The following IQSEC3 variants were observed in gnomAD, a reference collection of about 807,000 sequenced individuals.
IQSEC3 encodes IQ motif and SEC7 domain-containing protein 3.
A neutral mutation model predicts 105.4 loss-of-function variants in IQSEC3; 50 were observed. The observed-to-expected ratio is 0.47, with a 90% CI of 0.38 to 0.60. IQSEC3 has a LOEUF of 0.60. Ranked by LOEUF, IQSEC3 falls within the 20% of genes least tolerant of loss-of-function variation. The pLI is 0.00. For missense variants in IQSEC3, 1,415 were observed against 1,630.0 expected (o/e 0.87, Z 2.27); for synonymous variants, 708 against 746.0 (o/e 0.95, Z 0.83).
In IQSEC3 at chr12:171,130, T is replaced by G; in HGVS notation, c.3083T>G (p.Leu1028Arg). 1.2e-6 allele frequency: 2 copies of G among 1,614,050 alleles called. No homozygotes were observed. The highest frequency in any genetic ancestry group is 1.7e-6 in the Non-Finnish European group (2 of 1,179,982). ...GSPTAKREAALRERPAESTVE... is the reference protein window; with the variant it reads ...GSPTAKREAARRERPAESTVE... ...TTCAAAGCCAAAAGGGAAGCCGCGC[T>G]CAGGGAGAGGCCGGCGGAGAGCACG... Residue 1028 changes from leucine to arginine, a missense_variant, in exon 13 of 14, where the codon CTC (leucine) becomes CGC (arginine). This residue lies in a region of IQSEC3 where 419 missense variants were observed against 436.2 expected (regional missense o/e 0.96). Transcript: ENST00000538872.
chr12:130,948 G>A (rs1359143792), intron 3 of IQSEC3, among the ~76,000 whole-genome samples: 2 of 146,816 alleles, frequency 1.4e-5, no homozygotes, highest in Non-Finnish European at 3.0e-5. Context: ...AGTCTTGGAT[G>A]GGAACAAACC....
In IQSEC3 at chr12:115,974, G is replaced by C. The variant is rs141584757; in HGVS notation, c.624-9659G>C. ...ACAGCAAGCTAAAGGGTTGTCCTTTGTTCTGAAATTATATTCTTCCTACTT... is the reference window on the plus strand; with the variant it reads ...ACAGCAAGCTAAAGGGTTGTCCTTTCTTCTGAAATTATATTCTTCCTACTT... On this transcript the variant is annotated intron_variant, in intron 2 of 13. Transcript: ENST00000538872. Among the ~76,000 whole-genome samples, 472 of 152,282 alleles carry C rather than the reference G, an allele frequency of 3.1e-3. 1 individual carries two copies. Among genetic ancestry groups the C allele is most frequent in the African/African-American group, 0.011 (454 of 41,560 alleles).
chr12:95,434 G>T (rs1182387968), intron 1 of IQSEC3, among the ~76,000 whole-genome samples: 2 of 152,100 alleles, frequency 1.3e-5, no homozygotes, highest in African/African-American at 4.8e-5. Flanking sequence ...ATTTGTGTTG[G>T]TTTCTGACAT....
At position 125,767 on chromosome 12, in the gene IQSEC3, CG is replaced by C; in HGVS notation, c.763del (p.Ala255GlnfsTer43). On this transcript the variant is annotated frameshift_variant, in exon 3 of 14. Coordinates refer to ENST00000538872, the MANE Select transcript of IQSEC3 (RefSeq NM_001170738.2). LOFTEE classifies it high-confidence loss of function. The part of the protein sequence containing the change: ...AQELQEEEER[P>X]GAGAASPRAG... ...GAGCTGCAGGAGGAGGAGGAGCGGCCGGGGGCAGGGGCTGCCTCCCCAAGGG... is the reference window on the plus strand; with the variant it reads ...GAGCTGCAGGAGGAGGAGGAGCGGCCGGGGCAGGGGCTGCCTCCCCAAGGG... The C allele has an allele frequency of 1.3e-6, 2 of 1,512,690 alleles. No individual in the cohort carries two copies. Among genetic ancestry groups the C allele is most frequent in the South Asian group, 1.2e-5 (1 of 80,054 alleles). 93.7% of individuals were successfully genotyped at this position (1,512,690 alleles called of 1,614,324 possible).
intron 9 of IQSEC3, among the ~76,000 whole-genome samples, chr12:165,058 G>C (rs782331600): frequency 1.3e-5 from 2 of 152,226 alleles, no homozygotes; most frequent in Admixed American, 6.5e-5. Flanking sequence ...AAAGCTGCCG[G>C]GAGAGCTGTG....
At chr12:102,177 G>A (rs557030929) in intron 2 of IQSEC3, among the ~76,000 whole-genome samples, 1 of 148,696 alleles carries the variant, frequency 6.7e-6, no homozygotes, top group Non-Finnish European at 1.5e-5. Context: ...CGTCAGTCTG[G>A]CTCCTCCCCC....
At chr12:88,599 T>C (rs1863989116) in intron 1 of IQSEC3, among the ~76,000 whole-genome samples, 2 of 152,192 alleles carry the variant, frequency 1.3e-5, no homozygotes, top group African/African-American at 4.8e-5. Context: ...TGAACCTGGT[T>C]GGCCAACCTG....
At chr12:69,998 G>A (rs1210214636) in intron 1 of IQSEC3, among the ~76,000 whole-genome samples, 5 of 152,372 alleles carry the variant, frequency 3.3e-5, no homozygotes, top group Non-Finnish European at 2.9e-5. Context: ...GGAGCTCCCC[G>A]CAGAACTGGT....
intron 8 of IQSEC3, among the ~76,000 whole-genome samples, 191 bp downstream of exon 8, chr12:162,256 T>C (rs1462843863): frequency 1.3e-5 from 2 of 152,100 alleles, no homozygotes; most frequent in Non-Finnish European, 2.9e-5. Flanking sequence ...TCATTGCCTC[T>C]TGCCACCCGA....
At chr12:159,775 G>A (rs138795900) in intron 7 of IQSEC3, among the ~76,000 whole-genome samples, 2 of 152,324 alleles carry the variant, frequency 1.3e-5, no homozygotes, top group African/African-American at 4.8e-5. Flanking sequence ...ATGTCCTCCG[G>A]TCATGGGAAG....
chr12:126,692 G>A (rs1865426799), intron 3 of IQSEC3, among the ~76,000 whole-genome samples: 1 of 152,156 alleles, frequency 6.6e-6, no homozygotes, highest in Admixed American at 6.5e-5. Context: ...TTTGGGAGTT[G>A]CCAGTTAAAC....
At chr12:169,450 G>A (rs1938853190) in intron 12 of IQSEC3, among the ~76,000 whole-genome samples, 1 of 152,136 alleles carries the variant, frequency 6.6e-6, no homozygotes, top group African/African-American at 2.4e-5. Context: ...GACGAGGCGA[G>A]GTCAAGAGAA....
Position 152,852 on chromosome 12 carries a change from T to C in IQSEC3, c.2154-4173T>C, listed in dbSNP as rs1209724223. Among the ~76,000 whole-genome samples, 1 of 152,026 alleles carries C rather than the reference T, an allele frequency of 6.6e-6. No individual in the cohort carries two copies. The highest frequency in any genetic ancestry group is 1.5e-5 in the Non-Finnish European group (1 of 68,006). The stretch of plus-strand genomic sequence containing the variant: ...TTTTGTCTTCTGTAAAATGGGGAGA[T>C]GATACACCAGAAAAGACCACCCGGG... On this transcript the variant is annotated intron_variant, in intron 5 of 13. Transcript: ENST00000538872. The surrounding 1 kb of genome is among the most constrained non-coding windows in gnomAD (Gnocchi z 4.8).
intron 1 of IQSEC3, among the ~76,000 whole-genome samples, chr12:87,026 T>A (rs1863938912): frequency 6.6e-6 from 1 of 152,066 alleles, no homozygotes; most frequent in African/African-American, 2.4e-5. Flanking sequence ...GCAGGTGCAC[T>A]CCTAGGACCA....
At chr12:171,037 T>C in intron 12 of IQSEC3, 75 bp from the exon 13 acceptor site, 1 of 1,577,494 alleles carries the variant, frequency 6.3e-7, no homozygotes, top group South Asian at 1.1e-5. Flanking sequence ...GCAGAGATGC[T>C]TGAGGGGCAC....
intron 2 of IQSEC3, among the ~76,000 whole-genome samples, chr12:100,506 C>T (rs1864389258): frequency 6.6e-6 from 1 of 152,164 alleles, no homozygotes; most frequent in African/African-American, 2.4e-5. Context: ...GTTCATTTTG[C>T]CTCATAGGGG....
intron 2 of IQSEC3, among the ~76,000 whole-genome samples, chr12:121,368 G>A (rs1555081898): frequency 1.3e-5 from 2 of 152,210 alleles, no homozygotes; most frequent in African/African-American, 4.8e-5. Context: ...TAGATGGAGT[G>A]CAGAGGAAAA....
intron 3 of IQSEC3, among the ~76,000 whole-genome samples, chr12:132,079 T>C (rs1228938730): frequency 6.6e-6 from 1 of 151,720 alleles, no homozygotes; most frequent in Non-Finnish European, 1.5e-5. Flanking sequence ...CAAAGAGAAA[T>C]TGGGGCCCGA....
At chr12:95,796 T>A (rs1036851574) in intron 1 of IQSEC3, among the ~76,000 whole-genome samples, 2 of 152,226 alleles carry the variant, frequency 1.3e-5, no homozygotes, top group Non-Finnish European at 2.9e-5. Flanking sequence ...AGAGATAGAC[T>A]GCTAACTAGT....
Sources: gnomAD v4.1 joint callset for allele counts (sites outside exome capture counted in the v4.1 genomes callset) on GRCh38, gnomAD v4.1.1 for gene constraint, gnomAD v4.1.1 regional missense constraint, Gnocchi (gnomAD v3.1) non-coding constraint, MANE v1.5 for transcripts, NCBI Gene and HGNC (gene_info 2026-07-23, HGNC 2026-07-21) for gene names.